Variants in PPP1R13L observed in about 807,000 individuals in gnomAD.
The protein encoded by PPP1R13L is relA-associated inhibitor.
PPP1R13L carries 50 observed loss-of-function variants against 80.9 expected under a neutral mutation model. The observed-to-expected ratio is 0.62, with a 90% confidence interval of 0.49 to 0.78. The LOEUF (loss-of-function observed/expected upper bound fraction) is 0.78. Among genes scored for constraint, PPP1R13L ranks in the 30% least tolerant of loss-of-function variants. The pLI is 0.00. For missense variants in PPP1R13L, 1,200 were observed against 1,205.9 expected, an observed-to-expected ratio of 1.00 and a Z score of 0.07; for synonymous variants, 602 against 534.3, an observed-to-expected ratio of 1.13 and a Z score of -1.75.
At chr19:45,395,169 A>T in intron 7 of PPP1R13L, 1 of 477,906 alleles carries the variant, frequency 2.1e-6, no homozygotes, top group Non-Finnish European at 3.8e-6. Context: ...TACACTCAAG[A>T]AAATTGAGGC....
In PPP1R13L at chr19:45,395,829, C is replaced by T. The variant is rs201987582; in HGVS notation, c.961G>A (p.Asp321Asn). Residue 321 changes from aspartate to asparagine, a missense_variant, in exon 7 of 13, where the codon GAC becomes AAC. Physicochemically the swap from Asp to Asn is conservative, Grantham distance 23. Transcript: ENST00000360957. ...RNYKVSPLAS[D>N]RRSDAGSYRR... ...TAGCTGCCCGCGTCTGAACGCCGGTCGCTGGCCAGAGGAGAGACCTTGTAA... is the reference window on the plus strand; with the variant it reads ...TAGCTGCCCGCGTCTGAACGCCGGTTGCTGGCCAGAGGAGAGACCTTGTAA... 216 of 1,595,922 alleles carry T rather than the reference C, an allele frequency of 1.4e-4. No homozygotes were observed. The African/African-American group carries it at 2.4e-3, about 18-fold the overall frequency.
At chr19:45,386,848 C>A (rs1972881110) in intron 8 of PPP1R13L, among the ~76,000 whole-genome samples, 1 of 151,760 alleles carries the variant, frequency 6.6e-6, no homozygotes. Context: ...GTTGTCCAGG[C>A]TGGTCTCGAA....
In PPP1R13L at chr19:45,390,369, C is replaced by G. The variant is rs891687098; in HGVS notation, c.1815+1511G>C. On this transcript the variant is annotated intron_variant, in intron 8 of 12. Coordinates refer to ENST00000360957, the MANE Select transcript of PPP1R13L (RefSeq NM_006663.4). ...GAAGTACGATAAATAGCTAGATGACCTTGGCGCCACCATCTGGTCCTGGTG... is the reference window on the plus strand; with the variant it reads ...GAAGTACGATAAATAGCTAGATGACGTTGGCGCCACCATCTGGTCCTGGTG... 1.4e-4 allele frequency among the ~76,000 whole-genome samples: 22 copies of G among 152,234 alleles called. No homozygotes were observed. The South Asian group carries it at 3.7e-3, about 26-fold the overall frequency.
intron 8 of PPP1R13L, among the ~76,000 whole-genome samples, chr19:45,390,285 T>C (rs916615904): frequency 2.2e-4 from 34 of 151,864 alleles, no homozygotes; most frequent in Admixed American, 6.6e-5. Context: ...CCACCTCCCC[T>C]TTTCCCTAGT....
chr19:45,392,447 C>T (rs1296486965), intron 7 of PPP1R13L, 107 bp from the exon 8 acceptor site: 3 of 1,202,926 alleles, frequency 2.5e-6, no homozygotes, highest in Admixed American at 3.9e-5. Flanking sequence ...TCTGTGTGAC[C>T]TCAGGGAAGT....
chr19:45,400,353 C>T (rs1973206837), intron 1 of PPP1R13L, among the ~76,000 whole-genome samples: 1 of 151,926 alleles, frequency 6.6e-6, no homozygotes, highest in Admixed American at 6.6e-5. Context: ...ATCCCTATCC[C>T]CATGCTAGCC....
upstream of PPP1R13L, chr19:45,406,307 T>C (rs1973361118): frequency 9.1e-7 from 1 of 1,096,824 alleles, no homozygotes. This position sits in a 1 kb window ranked among gnomAD's most constrained non-coding sequence, Gnocchi z 4.2. Flanking sequence ...TCTTCAAGAA[T>C]TTCAGACCAA....
intron 1 of PPP1R13L, among the ~76,000 whole-genome samples, chr19:45,403,963 T>C (rs1029807599): frequency 5.3e-5 from 8 of 151,992 alleles, no homozygotes; most frequent in Admixed American, 5.2e-4. Flanking sequence ...TCTCCCACAA[T>C]ACCCCAGGTC....
At chr19:45,395,999 G>C (rs1015688625) in intron 6 of PPP1R13L, 113 bp from the exon 7 acceptor site, 11 of 1,285,148 alleles carry the variant, frequency 8.6e-6, no homozygotes, top group Non-Finnish European at 9.6e-6. Context: ...GAGTGAGGGA[G>C]AAGAAAGGGT....
At chr19:45,381,913 C>T (rs1370003628) in intron 12 of PPP1R13L, among the ~76,000 whole-genome samples, 1 of 150,854 alleles carries the variant, frequency 6.6e-6, no homozygotes, top group Non-Finnish European at 1.5e-5. Flanking sequence ...GCACTCCAGT[C>T]TGGGTGACAA....
chr19:45,391,751 C>A, intron 8 of PPP1R13L, 129 bp downstream of exon 8: 1 of 675,048 alleles, frequency 1.5e-6, no homozygotes, highest in Non-Finnish European at 2.2e-6. Context: ...GGGCTGCAAA[C>A]TCTTGGACTT....
rs748845605 is a variant in PPP1R13L, at chr19:45,385,713, G to T, written c.2097C>A (p.Cys699Ter). Residue 699 changes from cysteine to a stop codon, truncating the protein, a stop_gained, in exon 11 of 13, where the codon TGC (cysteine) becomes TGA (stop). Transcript: ENST00000360957. LOFTEE classifies it high-confidence loss of function. ...PDSHGWTPLH[C>*]AASCNDTVIC... is the part of the protein sequence containing the mutation. ...TGACTGTGTCGTTGCACGACGCCGC[G>T]CAGTGCAAGGGTGTCCTAGGCGTGG... 1 of 1,611,542 alleles carries T rather than the reference G, an allele frequency of 6.2e-7. No individual in the cohort carries two copies. Among genetic ancestry groups the T allele is most frequent in the South Asian group, 1.1e-5 (1 of 90,962 alleles).
intron 7 of PPP1R13L, 175 bp from the exon 8 acceptor site, chr19:45,392,515 G>T: frequency 2.7e-6 from 2 of 732,958 alleles, no homozygotes; most frequent in Non-Finnish European, 4.8e-6. Context: ...CAATTATGAT[G>T]CCTCCCATTT....
chr19:45,402,866 G>A (rs1254215216), intron 1 of PPP1R13L, among the ~76,000 whole-genome samples: 1 of 152,186 alleles, frequency 6.6e-6, no homozygotes, highest in Non-Finnish European at 1.5e-5. Flanking sequence ...GGATCCTGTG[G>A]ACTTCCTGGA....
At chr19:45,400,384 C>T (rs1329816901) in intron 1 of PPP1R13L, among the ~76,000 whole-genome samples, 1 of 151,544 alleles carries the variant, frequency 6.6e-6, no homozygotes, top group Admixed American at 6.6e-5. Context: ...CCAGCTCTGC[C>T]ACCTCCCTGC....
Position 45,395,849 on chromosome 19 carries a change from T to G in PPP1R13L, c.941A>C (p.Lys314Thr). Residue 314 changes from lysine to threonine, a missense_variant, in exon 7 of 13, where the codon AAG (lysine) becomes ACG (threonine). Lys to Thr is a moderately conservative substitution (Grantham distance 78, BLOSUM62 -1). Transcript: ENST00000360957. The part of the protein sequence containing the change: ...LTSATLPRNY[K>T]VSPLASDRRS... ...CCGGTCGCTGGCCAGAGGAGAGACC[T>G]TGTAATTGCGCGGCAGGGTGGCGCT... 1 of 1,597,376 alleles carries G rather than the reference T, an allele frequency of 6.3e-7. No homozygotes were observed. The highest frequency in any genetic ancestry group is 8.5e-7 in the Non-Finnish European group (1 of 1,173,626).
upstream of PPP1R13L, among the ~76,000 whole-genome samples, chr19:45,405,786 G>C (rs1428132790): frequency 1.3e-5 from 2 of 152,216 alleles, no homozygotes; most frequent in African/African-American, 2.4e-5. Flanking sequence ...AATGCAGTCG[G>C]GTCACCCTGT....
In PPP1R13L at chr19:45,396,160, C is replaced by T; in HGVS notation, c.903+8G>A. ...CCAGCCTCTCCTCCCCAGGCGTCGC[C>T]TCCTCACCTTGCCGGTGCCCCCCAG... On this transcript the variant is annotated splice_region_variant and intron_variant, in intron 6 of 12. Transcript: ENST00000360957. This position sits in a 1 kb window ranked among gnomAD's most constrained non-coding sequence, Gnocchi z 5.3. The T allele has an allele frequency of 6.2e-7, 1 of 1,602,164 alleles. No homozygotes were observed. The highest frequency in any genetic ancestry group is 8.5e-7 in the Non-Finnish European group (1 of 1,175,636).
At chr19:45,405,383 A>T (rs949196511), upstream of PPP1R13L, among the ~76,000 whole-genome samples, 6 of 152,216 alleles carry the variant, frequency 3.9e-5, no homozygotes, top group Non-Finnish European at 8.8e-5. Context: ...CCCTTTCCTG[A>T]TCAGTATCCC....
Sources: allele counts gnomAD v4.1 joint callset (sites outside exome capture counted in the v4.1 genomes callset), GRCh38; gene constraint gnomAD v4.1.1; non-coding constraint Gnocchi (gnomAD v3.1); transcripts MANE v1.5; gene names NCBI Gene and HGNC (gene_info 2026-07-23, HGNC 2026-07-21).